The following SHPRH variants were observed in gnomAD, a reference collection of about 807,000 sequenced individuals.
SHPRH encodes SNF2 histone linker PHD RING helicase.
Under a neutral mutation model 202.5 loss-of-function variants are expected in SHPRH, and 106 were observed. The ratio of observed to expected loss-of-function variants is 0.52; its 90% CI spans 0.45 to 0.62. SHPRH has a LOEUF of 0.62. Among genes scored for constraint, SHPRH ranks in the 20% least tolerant of loss-of-function variants. The probability of loss-of-function intolerance (pLI) is 0.00; values close to 1 mark genes in which losing one functional copy is unlikely to be tolerated. For missense variants in SHPRH, 1,710 were observed against 2,020.0 expected (o/e 0.85, Z 2.94); for synonymous variants, 729 against 686.0 (o/e 1.06, Z -0.98).
chr6:145,904,135 C>A (rs9497424), intron 25 of SHPRH: 83,986 of 151,808 alleles, frequency 0.55, 23,645 homozygotes, highest in Admixed American at 0.67. Context: ...TAGTTTTATG[C>A]TTTCCAAATA....
intron 6 of SHPRH, 64 bp from the exon 7 acceptor site, chr6:145,946,405 G>T: frequency 7.8e-7 from 1 of 1,285,394 alleles, no homozygotes; most frequent in Non-Finnish European, 1.1e-6. Flanking sequence ...ATTGCTTATT[G>T]AAATTAACTT....
intron 20 of SHPRH, among the ~76,000 whole-genome samples, chr6:145,921,831 A>G (rs1216077726): frequency 6.6e-6 from 1 of 152,072 alleles, no homozygotes; most frequent in Non-Finnish European, 1.5e-5. Flanking sequence ...GGACACATTT[A>G]TTGTTCTAAC....
At chr6:145,919,711 A>G (rs1421494910) in intron 21 of SHPRH, among the ~76,000 whole-genome samples, 1 of 152,184 alleles carries the variant, frequency 6.6e-6, no homozygotes, top group African/African-American at 2.4e-5. Flanking sequence ...AACAGAATAT[A>G]AAGATTTCTT....
At chr6:145,897,013 C>T (rs563891693) in intron 25 of SHPRH, among the ~76,000 whole-genome samples, 7 of 150,728 alleles carry the variant, frequency 4.6e-5, no homozygotes, top group South Asian at 4.2e-4. Context: ...CAAAGTAAGC[C>T]GAAAGTCAGC....
intron 11 of SHPRH, among the ~76,000 whole-genome samples, chr6:145,939,707 A>G (rs1372988045): frequency 6.6e-6 from 1 of 152,198 alleles, no homozygotes; most frequent in African/African-American, 2.4e-5. Flanking sequence ...TGAACGTAAT[A>G]TTATTCTATA....
intron 22 of SHPRH, chr6:145,918,905 A>C (rs578171651): frequency 1.9e-5 from 3 of 153,966 alleles, no homozygotes. Flanking sequence ...TACAAAGACA[A>C]AGTTATTAGA....
intron 1 of SHPRH, among the ~76,000 whole-genome samples, chr6:145,958,171 T>C (rs2128809442): frequency 6.6e-6 from 1 of 152,130 alleles, no homozygotes; most frequent in African/African-American, 2.4e-5. Flanking sequence ...TATAAAGAGG[T>C]GACTGACAGT....
In SHPRH at chr6:145,910,519, T is replaced by C; in HGVS notation, c.4444A>G (p.Thr1482Ala). Reference sequence around the variant, plus strand: ...ACATACGAGATTTCTTTGTGAGATGTGGTCTGGCGGCAGATTGCACACTTA... The same window carrying C: ...ACATACGAGATTTCTTTGTGAGATGCGGTCTGGCGGCAGATTGCACACTTA... ...SIKCAICRQT[T>A]SHKEISYVFT... The change falls in exon 25 of 30, where the codon ACA (threonine) becomes GCA (alanine). Residue 1482 changes from threonine to alanine, a missense_variant. Physicochemically the swap from Thr to Ala is moderately conservative, Grantham distance 58 (BLOSUM62 0). Coordinates refer to ENST00000275233, the MANE Select transcript of SHPRH (RefSeq NM_001042683.3). The C allele has an allele frequency of 1.9e-6, 3 of 1,612,662 alleles. No homozygotes were observed. The highest frequency in any genetic ancestry group is 2.5e-6 in the Non-Finnish European group (3 of 1,179,550).
chr6:145,937,370 C>T (rs78765677), intron 11 of SHPRH, among the ~76,000 whole-genome samples: 4 of 152,304 alleles, frequency 2.6e-5, no homozygotes, highest in African/African-American at 7.2e-5. Flanking sequence ...TGATCTGTCA[C>T]TGAGGCTTGT....
chr6:145,914,565 T>TA (rs1387824455), intron 23 of SHPRH, among the ~76,000 whole-genome samples: 1 of 152,130 alleles, frequency 6.6e-6, no homozygotes, highest in Non-Finnish European at 1.5e-5. Flanking sequence ...AAACTTTACT[T>TA]ACGAAAAAAG....
chr6:145,896,569 G>A (rs934695173), intron 25 of SHPRH, among the ~76,000 whole-genome samples: 1 of 152,050 alleles, frequency 6.6e-6, no homozygotes, highest in Non-Finnish European at 1.5e-5. Flanking sequence ...TTCAGTGGTA[G>A]TGCTCAATGA....
chr6:145,955,378 G>C, intron 1 of SHPRH, 24 bp from the exon 2 acceptor site: 26 of 1,531,086 alleles, frequency 1.7e-5, no homozygotes, highest in Non-Finnish European at 2.3e-5. Context: ...GAAACAACAG[G>C]AGGTATAACA....
intron 16 of SHPRH, among the ~76,000 whole-genome samples, chr6:145,925,519 A>C (rs942647271): frequency 7.2e-5 from 11 of 152,004 alleles, no homozygotes; most frequent in African/African-American, 2.6e-4. Flanking sequence ...CCCCCAAAAC[A>C]ACCAGTGCAA....
Position 145,933,039 on chromosome 6 carries a change from A to G in SHPRH, c.3112+18T>C. On this transcript the variant is annotated intron_variant, in intron 14 of 29. Coordinates refer to ENST00000275233, the MANE Select transcript of SHPRH (RefSeq NM_001042683.3). Reference sequence around the variant, plus strand: ...GGAAGTGTTTGAAAGAATCAGAGATAAAGCAATCACCTTCTACCTTTAATA... The same window carrying G: ...GGAAGTGTTTGAAAGAATCAGAGATGAAGCAATCACCTTCTACCTTTAATA... 1 of 1,610,422 alleles carries G rather than the reference A, an allele frequency of 6.2e-7. No individual in the cohort carries two copies. The highest frequency in any genetic ancestry group is 8.5e-7 in the Non-Finnish European group (1 of 1,177,334).
downstream of SHPRH, among the ~76,000 whole-genome samples, chr6:145,863,256 C>A (rs1488362447): frequency 6.6e-6 from 1 of 152,150 alleles, no homozygotes; most frequent in Non-Finnish European, 1.5e-5. Context: ...TGTGGTGAGA[C>A]TTGAAAATGA....
chr6:145,877,628 C>T (rs1780362626), intron 2 of SHPRH: 1 of 152,174 alleles, frequency 6.6e-6, no homozygotes, highest in Admixed American at 6.5e-5. Context: ...TATTTTCTTT[C>T]CTTTCTTTGC....
chr6:145,962,854 C>A (rs534236184), intron 1 of SHPRH, among the ~76,000 whole-genome samples: 75 of 152,148 alleles, frequency 4.9e-4, no homozygotes, highest in Non-Finnish European at 8.5e-4. Context: ...AGAAATAATT[C>A]CAGCAAGGTG....
chr6:145,929,146 G>T (rs1048584102), intron 14 of SHPRH, among the ~76,000 whole-genome samples: 5 of 151,538 alleles, frequency 3.3e-5, no homozygotes, highest in Non-Finnish European at 7.4e-5. Context: ...TTTTTAAAAA[G>T]ACATGCTTTC....
chr6:145,894,252 C>G lies in SHPRH; in HGVS notation c.4609-16G>C, dbSNP rs779041467. 5 of 1,561,570 alleles carry G rather than the reference C, an allele frequency of 3.2e-6. No individual in the cohort carries two copies. Among genetic ancestry groups the G allele is most frequent in the Non-Finnish European group, 4.3e-6 (5 of 1,154,076 alleles). ...CATCTTGCCACTAGAACACATAAAA[C>G]AATAAGAAAACCAATATTTACACGT... On this transcript the variant is annotated splice_polypyrimidine_tract_variant and intron_variant, in intron 26 of 29. Transcript: ENST00000275233.
Sources: allele counts gnomAD v4.1 joint callset (sites outside exome capture counted in the v4.1 genomes callset), GRCh38; gene constraint gnomAD v4.1.1; transcripts MANE v1.5; gene names NCBI Gene and HGNC (gene_info 2026-07-23, HGNC 2026-07-21).